The following TNS1 variants were observed in gnomAD, a reference collection of about 807,000 sequenced individuals.
The protein encoded by TNS1 is tensin 1, also known as tensin-1.
A neutral mutation model predicts 168.6 loss-of-function variants in TNS1; 62 were observed. The observed-to-expected ratio is 0.37, with a 90% CI of 0.30 to 0.45. The LOEUF is 0.45. Among genes scored for constraint, TNS1 ranks in the 20% least tolerant of loss-of-function variants. The probability of loss-of-function intolerance (pLI) is 1.00; values close to 1 mark genes in which losing one functional copy is unlikely to be tolerated. For missense variants in TNS1, 2,240 were observed against 2,339.4 expected, an observed-to-expected ratio of 0.96 and a Z score of 0.88; for synonymous variants, 934 against 933.2, an observed-to-expected ratio of 1.00 and a Z score of -0.02.
intron 1 of TNS1, among the ~76,000 whole-genome samples, chr2:217,991,349 T>G (rs950921734): frequency 6.6e-6 from 1 of 152,010 alleles, no homozygotes; most frequent in African/African-American, 2.4e-5. Flanking sequence ...TCATTTATTA[T>G]GAAGGCATGG....
At chr2:218,021,665 C>T (rs538679925) in intron 1 of TNS1, among the ~76,000 whole-genome samples, 4 of 152,340 alleles carry the variant, frequency 2.6e-5, no homozygotes, top group African/African-American at 9.6e-5. Context: ...AAGTTTCCTC[C>T]CAGGAGTCGC....
At chr2:217,830,963 T>C (rs2571440) in intron 22 of TNS1, among the ~76,000 whole-genome samples, 131,677 of 152,198 alleles carry the variant, frequency 0.87, 57,283 homozygotes, top group African/African-American at 0.95. Flanking sequence ...GGTGATGCCT[T>C]GTGGATGCCA....
chr2:217,872,649 A>G (rs1379999967), intron 18 of TNS1, among the ~76,000 whole-genome samples: 1 of 152,224 alleles, frequency 6.6e-6, no homozygotes, highest in Non-Finnish European at 1.5e-5. Flanking sequence ...CTGTTCCTCA[A>G]ATGATGACAC....
At chr2:217,885,201 G>A in intron 15 of TNS1, 37 bp from the exon 16 acceptor site, 1 of 1,613,436 alleles carries the variant, frequency 6.2e-7, no homozygotes, top group East Asian at 2.2e-5. Flanking sequence ...TCAGGGGCCT[G>A]AGGCTGGGAG....
intron 1 of TNS1, among the ~76,000 whole-genome samples, chr2:218,009,397 C>T (rs1161527419): frequency 6.6e-6 from 1 of 151,990 alleles, no homozygotes; most frequent in Non-Finnish European, 1.5e-5. Context: ...CACATACACA[C>T]GTTACACACA....
At chr2:217,884,176 T>TGGAG (rs58125702) in intron 16 of TNS1, among the ~76,000 whole-genome samples, 1 of 150,850 alleles carries the variant, frequency 6.6e-6, no homozygotes, top group Non-Finnish European at 1.5e-5. Context: ...GATGGATGGA[T>TGGAG]AGATGGATGG....
chr2:217,936,228 G>C lies in TNS1; in HGVS notation c.187-15992C>G, dbSNP rs907356428. ...TTCATTCATTCAACAAACAGTAAGG[G>C]GCTACTGTGTTCCAGGTCAGATGGT... is the stretch of plus-strand genomic sequence containing the variant. On this transcript the variant is annotated intron_variant, in intron 3 of 32. Transcript: ENST00000682258. Among the ~76,000 whole-genome samples the C allele has an allele frequency of 3.9e-5, 6 of 152,182 alleles. No individual in the cohort carries two copies. In the East Asian group the frequency reaches 1.2e-3, roughly 29 times the overall value.
intron 3 of TNS1, among the ~76,000 whole-genome samples, chr2:217,925,216 C>CT (rs762916866): frequency 2.3e-4 from 35 of 151,170 alleles, no homozygotes; most frequent in Non-Finnish European, 4.9e-4. Context: ...GTAAATAAAT[C>CT]TTTTTTTTGT....
intron 22 of TNS1, among the ~76,000 whole-genome samples, chr2:217,826,657 C>T (rs1458053013): frequency 6.6e-6 from 1 of 152,238 alleles, no homozygotes; most frequent in Non-Finnish European, 1.5e-5. Context: ...ACTCGCACCA[C>T]CTCTCCTGCT....
intron 22 of TNS1, among the ~76,000 whole-genome samples, chr2:217,824,661 G>C (rs1943358882): frequency 6.6e-6 from 1 of 152,092 alleles, no homozygotes. Flanking sequence ...AACCCAACTT[G>C]GGAGAAGAGA....
chr2:217,981,321 G>A (rs550602462), intron 2 of TNS1, among the ~76,000 whole-genome samples: 78 of 152,346 alleles, frequency 5.1e-4, no homozygotes, highest in African/African-American at 1.8e-3. Context: ...GCAAAGGGTG[G>A]GCTGACTCCT....
intron 1 of TNS1, among the ~76,000 whole-genome samples, chr2:217,992,178 C>G (rs1306954518): frequency 6.6e-6 from 1 of 152,184 alleles, no homozygotes. Context: ...CTGCCCCAGG[C>G]ACTCACCCTG....
intron 1 of TNS1, among the ~76,000 whole-genome samples, chr2:217,997,982 C>T (rs886310222): frequency 6.6e-6 from 1 of 152,212 alleles, no homozygotes; most frequent in African/African-American, 2.4e-5. Context: ...TTCCCATGAA[C>T]CAGCCCTCAG....
At chr2:217,853,209 C>CG in intron 18 of TNS1, among the ~76,000 whole-genome samples, 1 of 152,152 alleles carries the variant, frequency 6.6e-6, no homozygotes, top group African/African-American at 2.4e-5. Flanking sequence ...AAAAGAGAGA[C>CG]GGGGGCAGAG....
upstream of TNS1, among the ~76,000 whole-genome samples, chr2:218,007,279 T>A (rs1208011008): frequency 6.6e-6 from 1 of 152,130 alleles, no homozygotes. Context: ...TAATACCAAT[T>A]AACTAGGCAC....
intron 3 of TNS1, among the ~76,000 whole-genome samples, chr2:217,968,443 TA>T (rs1339308605): frequency 6.6e-6 from 1 of 152,124 alleles, no homozygotes; most frequent in African/African-American, 2.4e-5. Context: ...GATTGTAAGA[TA>T]AATCATCACT....
chr2:217,822,317 G>A (rs1942996201), intron 22 of TNS1, among the ~76,000 whole-genome samples: 2 of 152,152 alleles, frequency 1.3e-5, no homozygotes, highest in African/African-American at 2.4e-5. Context: ...AGAGTCTGGG[G>A]CCCTACAGTG....
At position 217,849,104 on chromosome 2, in the gene TNS1, C is replaced by A; in HGVS notation, c.1430-17G>T. ...CCACCACCTCTGCAAGGGACAGAGC[C>A]GGAGGGGAGACAACAGACAACAGAC... On this transcript the variant is annotated splice_polypyrimidine_tract_variant and intron_variant, in intron 18 of 32. Coordinates refer to ENST00000682258, the MANE Select transcript of TNS1 (RefSeq NM_001387777.1). 6.3e-7 allele frequency: 1 copy of A among 1,598,164 alleles called. No homozygotes were observed. The highest frequency in any genetic ancestry group is 8.5e-7 in the Non-Finnish European group (1 of 1,170,066).
In TNS1 at chr2:218,033,902, C is replaced by T. The variant is rs1958925775; in HGVS notation, c.74G>A (p.Gly25Glu). Among the ~76,000 whole-genome samples the T allele has an allele frequency of 6.6e-6, 1 of 152,236 alleles. No homozygotes were observed. ...AGCCCGCGCCGAGACCCAGGGACTC[C>T]CCGGGGGCTGGGGACCGCAGAGTGG... The change falls in exon 1 of 2, where the codon GGG (glycine) becomes GAG (glutamate). Residue 25 changes from glycine (G) to glutamate (E), a missense_variant. Transcript: ENST00000649572. The surrounding 1 kb of genome is among the most constrained non-coding windows in gnomAD (Gnocchi z 4.3).
Sources: gnomAD v4.1 joint callset for allele counts (sites outside exome capture counted in the v4.1 genomes callset) on GRCh38, gnomAD v4.1.1 for gene constraint, Gnocchi (gnomAD v3.1) non-coding constraint, MANE v1.5 for transcripts, NCBI Gene and HGNC (gene_info 2026-07-23, HGNC 2026-07-21) for gene names.